Variants in NCOR2 observed in about 807,000 individuals in gnomAD.
NCOR2 encodes the protein nuclear receptor corepressor 2.
NCOR2 carries 81 observed loss-of-function variants against 262.9 expected under a neutral mutation model. The ratio of observed to expected loss-of-function variants is 0.31; its 90% CI spans 0.26 to 0.37. The LOEUF is 0.37. Among genes scored for constraint, NCOR2 ranks in the 10% least tolerant of loss-of-function variants. The pLI, the probability that NCOR2 is intolerant of heterozygous loss-of-function variation, is 1.00. For synonymous variants in NCOR2, 1,659 were observed against 1,559.3 expected, an observed-to-expected ratio of 1.06 and a Z score of -1.51; for missense variants, 3,385 against 3,621.4, an observed-to-expected ratio of 0.93 and a Z score of 1.68.
chr12:124,433,904 A>ACACACACACACG (rs1555222718), intron 8 of NCOR2, among the ~76,000 whole-genome samples: 6,272 of 93,776 alleles, frequency 0.067, 521 homozygotes, highest in African/African-American at 0.073. Context: ...ACACACGCAC[A>ACACACACACACG]CACACACACA....
intron 6 of NCOR2, among the ~76,000 whole-genome samples, chr12:124,452,184 C>T (rs2045587979): frequency 6.6e-6 from 1 of 152,212 alleles, no homozygotes; most frequent in African/African-American, 2.4e-5. Flanking sequence ...AGACTCACTG[C>T]AGAACTTCCC....
At chr12:124,480,928 T>C (rs1266950747) in intron 3 of NCOR2, among the ~76,000 whole-genome samples, 1 of 96,982 alleles carries the variant, frequency 1.0e-5, no homozygotes, top group Non-Finnish European at 2.2e-5. Flanking sequence ...GCAGAACCCA[T>C]GGGTGAGGGG....
chr12:124,336,159 A>G (rs1271309), intron 38 of NCOR2: 136,871 of 160,564 alleles, frequency 0.85, 58,433 homozygotes, highest in East Asian at 0.91. Context: ...GGACAGGGCA[A>G]GATGCAAGAG....
Position 124,549,453 on chromosome 12 carries a change from T to C in NCOR2, c.-164-13842A>G, listed in dbSNP as rs2051643392. On this transcript the variant is annotated intron_variant, in intron 1 of 32. Transcript: ENST00000458234. The surrounding 1 kb of genome is among the most constrained non-coding windows in gnomAD (Gnocchi z 4.4). ...CTGCTGAGCTGGCTCCTTGGGGGCC[T>C]GGGGAGGAAGGCAACTGAGCCCCCT... 6.6e-6 allele frequency among the ~76,000 whole-genome samples: 1 copy of C among 152,042 alleles called. No individual in the cohort carries two copies. The highest frequency in any genetic ancestry group is 2.4e-5 in the African/African-American group (1 of 41,364).
intron 27 of NCOR2, among the ~76,000 whole-genome samples, chr12:124,352,770 G>C (rs1207475017): frequency 6.6e-6 from 1 of 152,212 alleles, no homozygotes; most frequent in African/African-American, 2.4e-5. Flanking sequence ...GAATACACTG[G>C]ACAAACTCCC....
chr12:124,483,457 C>A lies in NCOR2; in HGVS notation c.411+139G>T, dbSNP rs1035427403. The A allele has an allele frequency of 5.4e-5, 50 of 917,604 alleles. No homozygotes were observed. In the Admixed American group the frequency reaches 1.4e-3, roughly 26 times the overall value. The allele number at this position is 917,604 out of a possible 1,614,324, so 56.8% of individuals were successfully genotyped here. Reference sequence around the variant, plus strand: ...CCTCTTCCTGCCACCCAGCTCTGTGCACCCGGTGCTTGGCCCACCTCCAAG... The same window carrying A: ...CCTCTTCCTGCCACCCAGCTCTGTGAACCCGGTGCTTGGCCCACCTCCAAG... On this transcript the variant is annotated intron_variant, in intron 3 of 46. Transcript: ENST00000405201. The surrounding 1 kb of genome is among the most constrained non-coding windows in gnomAD (Gnocchi z 6.3).
chr12:124,432,212 TAGACACACAAC>T lies in NCOR2; in HGVS notation c.883-1436_883-1426del, dbSNP rs2043998131. 6.6e-6 allele frequency among the ~76,000 whole-genome samples: 1 copy of T among 150,972 alleles called. No individual in the cohort carries two copies. Among genetic ancestry groups the T allele is most frequent in the Non-Finnish European group, 1.5e-5 (1 of 67,708 alleles). ...ACACACATACACAGAGTCACACATG[TAGACACACAAC>T]AGACACACACACATCACACAGGCAG... On this transcript the variant is annotated intron_variant, in intron 8 of 46. Transcript: ENST00000405201. This position sits in a 1 kb window ranked among gnomAD's most constrained non-coding sequence, Gnocchi z 5.1.
At chr12:124,485,521 G>A (rs916244871) in intron 2 of NCOR2, among the ~76,000 whole-genome samples, 2 of 152,220 alleles carry the variant, frequency 1.3e-5, no homozygotes, top group African/African-American at 4.8e-5. Flanking sequence ...TCAGATCACG[G>A]GAATGCACTT....
At chr12:124,474,793 C>T (rs569420627) in intron 3 of NCOR2, among the ~76,000 whole-genome samples, 2 of 152,284 alleles carry the variant, frequency 1.3e-5, no homozygotes, top group East Asian at 1.9e-4. Flanking sequence ...AGCTGGGCTC[C>T]AGAACCCAGC....
rs2045969937 is a variant in NCOR2, at chr12:124,457,997, G to A, written c.706-835C>T. 6.6e-6 allele frequency among the ~76,000 whole-genome samples: 1 copy of A among 152,226 alleles called. No homozygotes were observed. The highest frequency in any genetic ancestry group is 6.5e-5 in the Admixed American group (1 of 15,286). On this transcript the variant is annotated intron_variant, in intron 5 of 46. Transcript: ENST00000405201. The surrounding 1 kb of genome is among the most constrained non-coding windows in gnomAD (Gnocchi z 4.0). ...GTGGCGGAGGGCAGGGGCAGAATTT[G>A]CGTGGGTTTGGGTGCCCCCTGCACC... is the stretch of plus-strand genomic sequence containing the variant.
At chr12:124,502,075 C>A (rs1482032604) in intron 1 of NCOR2, among the ~76,000 whole-genome samples, 1 of 152,214 alleles carries the variant, frequency 6.6e-6, no homozygotes, top group Non-Finnish European at 1.5e-5. Context: ...CTGATGGCCA[C>A]CTTCAGCAGG....
chr12:124,492,119 G>A (rs760012224), intron 1 of NCOR2, among the ~76,000 whole-genome samples: 5 of 152,338 alleles, frequency 3.3e-5, no homozygotes, highest in Non-Finnish European at 5.9e-5. Context: ...CAGAGGCAGC[G>A]GCTTCCACGG....
intron 44 of NCOR2, among the ~76,000 whole-genome samples, chr12:124,330,207 C>A (rs1345636669): frequency 6.6e-6 from 1 of 152,262 alleles, no homozygotes; most frequent in Non-Finnish European, 1.5e-5. Context: ...CTGGGCCAGG[C>A]CTGCCCATGC....
intron 1 of NCOR2, among the ~76,000 whole-genome samples, chr12:124,506,447 C>T (rs542186548): frequency 4.6e-5 from 7 of 152,188 alleles, no homozygotes; most frequent in Non-Finnish European, 8.8e-5. Context: ...CCCGCCACGG[C>T]GAAGTATGCT....
chr12:124,554,528 T>C (rs1266916001), intron 1 of NCOR2, among the ~76,000 whole-genome samples: 2 of 152,236 alleles, frequency 1.3e-5, no homozygotes, highest in Non-Finnish European at 2.9e-5. Flanking sequence ...AACCTCATGC[T>C]GTGCCCTCCG....
intron 17 of NCOR2, among the ~76,000 whole-genome samples, chr12:124,381,182 C>T (rs1401189864): frequency 6.6e-6 from 1 of 152,142 alleles, no homozygotes; most frequent in Non-Finnish European, 1.5e-5. Flanking sequence ...CCCCTCTCCC[C>T]TCCTCAGAGA....
chr12:124,387,537 G>A (rs559921813), intron 16 of NCOR2, among the ~76,000 whole-genome samples: 8 of 152,310 alleles, frequency 5.3e-5, no homozygotes, highest in Non-Finnish European at 1.0e-4. Flanking sequence ...CTGCCCTCCG[G>A]GTCCTCTGGC....
rs746988810 is a variant in NCOR2, at chr12:124,362,227, G to A, written c.2999C>T (p.Pro1000Leu). The stretch of plus-strand genomic sequence containing the variant: ...CTCCGGCTGCAGGTTTTGCGGTGGC[G>A]GTGGGGCTGGGGGAGCTGGCTTGGT... The change falls in exon 22 of 47, where the codon CCG becomes CTG. Residue 1000 changes from proline (P) to leucine (L), a missense_variant. Pro to Leu is a moderately conservative substitution (Grantham distance 98, BLOSUM62 -3). This residue lies in a region of NCOR2 where 1,615 missense variants were observed against 1,626.9 expected (regional missense o/e 0.99). Transcript: ENST00000405201. The A allele has an allele frequency of 4.6e-6, 6 of 1,311,272 alleles. No homozygotes were observed. The highest frequency in any genetic ancestry group is 5.9e-5 in the Admixed American group (2 of 34,048). 81.2% of individuals were successfully genotyped at this position (1,311,272 alleles called of 1,614,324 possible).
chr12:124,411,156 C>T (rs758532667), intron 13 of NCOR2, among the ~76,000 whole-genome samples: 2 of 151,388 alleles, frequency 1.3e-5, no homozygotes, highest in Non-Finnish European at 2.9e-5. Flanking sequence ...CGGGAAAGCA[C>T]ATGCAGAGAA....
Sources: allele counts gnomAD v4.1 joint callset (sites outside exome capture counted in the v4.1 genomes callset), GRCh38; gene constraint gnomAD v4.1.1; regional missense constraint gnomAD v4.1.1; non-coding constraint Gnocchi (gnomAD v3.1); transcripts MANE v1.5; gene names NCBI Gene and HGNC (gene_info 2026-07-23, HGNC 2026-07-21).